Variants in UGT2B4 observed in about 807,000 individuals in gnomAD.
UGT2B4 encodes the protein UDP glucuronosyltransferase family 2 member B4, also known as UDP-glucuronosyltransferase 2B4.
In UGT2B4, 49 loss-of-function variants were observed where a neutral mutation model predicts 49.8. That is an observed-to-expected ratio of 0.98 (90% CI 0.78 to 1.25). The LOEUF (loss-of-function observed/expected upper bound fraction) is 1.25. UGT2B4 is among the 50% of genes most tolerant of loss of function. The pLI, the probability that UGT2B4 is intolerant of heterozygous loss-of-function variation, is 0.00. For synonymous variants in UGT2B4, 246 were observed against 217.7 expected (o/e 1.13, Z -1.14); for missense variants, 729 against 627.7 (o/e 1.16, Z -1.73).
intron 5 of UGT2B4, among the ~76,000 whole-genome samples, chr4:69,484,129 G>T (rs41297439): frequency 6.6e-6 from 1 of 151,850 alleles, no homozygotes; most frequent in African/African-American, 2.4e-5. Context: ...ACCAAGAATG[G>T]TATAACAAAA....
chr4:69,515,396 C>T (rs187386960), intron 1 of UGT2B4, among the ~76,000 whole-genome samples: 6 of 152,174 alleles, frequency 3.9e-5, no homozygotes, highest in African/African-American at 4.8e-5. Flanking sequence ...AATTGAAAAA[C>T]CTGCTCCTGA....
chr4:69,492,093 T>G (rs576272785), intron 2 of UGT2B4, among the ~76,000 whole-genome samples: 3 of 152,222 alleles, frequency 2.0e-5, no homozygotes, highest in African/African-American at 7.2e-5. Flanking sequence ...ATTCTTTTAT[T>G]ATTGTAAACT....
At position 69,495,259 on chromosome 4, in the gene UGT2B4, T is replaced by C; in HGVS notation, c.603A>G (p.Leu201=). ...TCTCTATGAAAGTCATTTGGTCACTTAGTTCTGACATAACAACAGGCACAT... is the reference window on the plus strand; with the variant it reads ...TCTCTATGAAAGTCATTTGGTCACTCAGTTCTGACATAACAACAGGCACAT... ...PSYVPVVMSE[L]SDQMTFIERV... Residue 201 remains leucine, a synonymous_variant, in exon 1 of 6, where the codon CTA becomes CTG. Coordinates refer to ENST00000305107, the MANE Select transcript of UGT2B4 (RefSeq NM_021139.3). 2 of 1,613,204 alleles carry C rather than the reference T, an allele frequency of 1.2e-6. No individual in the cohort carries two copies. The highest frequency in any genetic ancestry group is 1.3e-5 in the African/African-American group (1 of 74,994).
At chr4:69,516,340 A>G (rs1021675014) in intron 1 of UGT2B4, among the ~76,000 whole-genome samples, 1 of 152,218 alleles carries the variant, frequency 6.6e-6, no homozygotes, top group African/African-American at 2.4e-5. Flanking sequence ...TCCTTTGGGT[A>G]TATACCCAGT....
intron 5 of UGT2B4, among the ~76,000 whole-genome samples, chr4:69,481,684 A>G (rs1343790505): frequency 6.6e-6 from 1 of 152,140 alleles, no homozygotes; most frequent in African/African-American, 2.4e-5. Context: ...ACACTCCTTT[A>G]GTTCTCCAGC....
chr4:69,509,058 A>G (rs1371271154), intron 1 of UGT2B4, among the ~76,000 whole-genome samples: 1 of 152,118 alleles, frequency 6.6e-6, no homozygotes, highest in Non-Finnish European at 1.5e-5. Context: ...GATGCCTTAC[A>G]GAAGTGGAAG....
At chr4:69,505,608 A>G (rs1490439746) in intron 1 of UGT2B4, among the ~76,000 whole-genome samples, 3 of 152,180 alleles carry the variant, frequency 2.0e-5, no homozygotes, top group Non-Finnish European at 4.4e-5. Flanking sequence ...ACTCCCACAC[A>G]ATAATAGTGG....
chr4:69,505,582 C>A (rs1295374899), intron 1 of UGT2B4, among the ~76,000 whole-genome samples: 1 of 152,072 alleles, frequency 6.6e-6, no homozygotes, highest in African/African-American at 2.4e-5. Context: ...TCTTACAGAC[C>A]TGCAAAGAGA....
At chr4:69,500,654 AAAGAAAGAAAGAAAGG>A (rs1728292305), upstream of UGT2B4, among the ~76,000 whole-genome samples, 2 of 122,830 alleles carry the variant, frequency 1.6e-5, no homozygotes, top group Admixed American at 8.1e-5. Flanking sequence ...AGAAAGAAAG[AAAGAAAGAAAGAAAGG>A]AAGGAAAGAA....
intron 1 of UGT2B4, among the ~76,000 whole-genome samples, chr4:69,507,097 G>A (rs113367756): frequency 1.3e-5 from 2 of 152,238 alleles, no homozygotes; most frequent in African/African-American, 4.8e-5. Flanking sequence ...AGACATCTAT[G>A]ACAAACCCAC....
At chr4:69,514,524 C>T (rs182221480) in intron 1 of UGT2B4, among the ~76,000 whole-genome samples, 88 of 152,268 alleles carry the variant, frequency 5.8e-4, no homozygotes, top group African/African-American at 2.0e-3. Context: ...GAGAGGGCAT[C>T]CTTGTCTTGG....
At chr4:69,517,393 A>G (rs1190784664) in intron 1 of UGT2B4, among the ~76,000 whole-genome samples, 1 of 152,218 alleles carries the variant, frequency 6.6e-6, no homozygotes, top group Non-Finnish European at 1.5e-5. Flanking sequence ...AATTGAGACT[A>G]ACAATCAGTA....
chr4:69,514,913 G>A (rs984749987), intron 1 of UGT2B4, among the ~76,000 whole-genome samples: 1 of 152,054 alleles, frequency 6.6e-6, no homozygotes, highest in Non-Finnish European at 1.5e-5. Flanking sequence ...AACAAAGATC[G>A]TTAAGGAAAA....
chr4:69,521,732 A>G (rs1215407721), intron 1 of UGT2B4, among the ~76,000 whole-genome samples: 1 of 152,172 alleles, frequency 6.6e-6, no homozygotes, highest in Non-Finnish European at 1.5e-5. Context: ...GCCACCACAC[A>G]CAGAGGGTTC....
intron 1 of UGT2B4, 25 bp from the exon 2 acceptor site, chr4:69,493,866 G>T (rs1728068374): frequency 6.3e-7 from 1 of 1,579,500 alleles, no homozygotes; most frequent in East Asian, 2.3e-5. Context: ...AAAAAGAAAA[G>T]ATAGATGACA....
At chr4:69,485,183 C>G (rs777002487) in intron 5 of UGT2B4, 25 bp downstream of exon 5, 1 of 1,612,222 alleles carries the variant, frequency 6.2e-7, no homozygotes, top group Non-Finnish European at 8.5e-7. Context: ...TAAAGACCAC[C>G]GAGTAAAAAA....
chr4:69,482,425 G>A lies in UGT2B4; in HGVS notation c.1311-1515C>T, dbSNP rs41297735. On this transcript the variant is annotated intron_variant, in intron 5 of 5. Coordinates refer to ENST00000305107, the MANE Select transcript of UGT2B4 (RefSeq NM_021139.3). ...ATCATCTTAAACATTATTTCGAAGT[G>A]AAGATACCACTATCTCTCAGATCAT... Among the ~76,000 whole-genome samples the A allele has an allele frequency of 3.8e-4, 58 of 152,182 alleles. No individual in the cohort carries two copies. The East Asian group carries it at 0.011, about 29-fold the overall frequency.
intron 2 of UGT2B4, among the ~76,000 whole-genome samples, chr4:69,492,437 A>G (rs552352316): frequency 6.6e-6 from 1 of 152,202 alleles, no homozygotes; most frequent in African/African-American, 2.4e-5. Context: ...ACTGATGAAG[A>G]TCCTTGTCAC....
rs767979359 is a variant in UGT2B4, at chr4:69,495,729, C to T, written c.133G>A (p.Glu45Lys). 1.2e-6 allele frequency: 2 copies of T among 1,614,052 alleles called. No individual in the cohort carries two copies. The highest frequency in any genetic ancestry group is 1.1e-5 in the South Asian group (1 of 91,078). ...HWMNIKTILD[E>K]LVQRGHEVTV... Reference sequence around the variant, plus strand: ...ACCTCATGACCTCTCTGGACAAGTTCATCCAGGATTGTCTTTATATTCATC... The same window carrying T: ...ACCTCATGACCTCTCTGGACAAGTTTATCCAGGATTGTCTTTATATTCATC... Residue 45 changes from glutamate (E) to lysine (K), a missense_variant, in exon 1 of 6, where the codon GAA becomes AAA. Transcript: ENST00000305107.
Sources: gnomAD v4.1 joint callset for allele counts (sites outside exome capture counted in the v4.1 genomes callset) on GRCh38, gnomAD v4.1.1 for gene constraint, MANE v1.5 for transcripts, NCBI Gene and HGNC (gene_info 2026-07-23, HGNC 2026-07-21) for gene names.